Variants in VPS45 observed in about 807,000 individuals in gnomAD.
The protein encoded by VPS45 is vacuolar protein sorting 45 homolog.
A neutral mutation model predicts 75.9 loss-of-function variants in VPS45; 35 were observed. The observed-to-expected ratio is 0.46, with a 90% CI of 0.35 to 0.61. VPS45 has a LOEUF of 0.61. Among genes scored for constraint, VPS45 ranks in the 20% least tolerant of loss-of-function variants. VPS45 has a pLI of 0.00. For synonymous variants in VPS45, 220 were observed against 238.2 expected (o/e 0.92, Z 0.70); for missense variants, 559 against 685.9 (o/e 0.81, Z 2.07).
At chr1:150,128,113 C>T (rs961950116) in intron 14 of VPS45, among the ~76,000 whole-genome samples, 2 of 151,844 alleles carry the variant, frequency 1.3e-5, no homozygotes, top group Non-Finnish European at 2.9e-5. Flanking sequence ...CCAGCCTGGG[C>T]AACATGGTGA....
chr1:150,122,767 G>A (rs1480193335), intron 14 of VPS45, among the ~76,000 whole-genome samples: 1 of 152,038 alleles, frequency 6.6e-6, no homozygotes, highest in Non-Finnish European at 1.5e-5. Context: ...GGGAGGCTGA[G>A]GCGGGTGGAT....
chr1:150,089,517 C>T (rs1656216985), intron 10 of VPS45, among the ~76,000 whole-genome samples: 1 of 152,008 alleles, frequency 6.6e-6, no homozygotes, highest in South Asian at 2.1e-4. Flanking sequence ...CCCGCCACTA[C>T]ATCCTGCTAA....
intron 6 of VPS45, 43 bp from the exon 7 acceptor site, chr1:150,077,626 T>G (rs782194997): frequency 7.6e-7 from 1 of 1,319,146 alleles, no homozygotes; most frequent in Non-Finnish European, 1.1e-6. Flanking sequence ...TTTCTATATG[T>G]AACTAGATGG....
chr1:150,139,419 AG>A (rs782326908), intron 14 of VPS45, among the ~76,000 whole-genome samples: 50 of 152,234 alleles, frequency 3.3e-4, no homozygotes, highest in Non-Finnish European at 5.7e-4. Context: ...TGCCTCATTC[AG>A]GTCTTGACTC....
intron 2 of VPS45, among the ~76,000 whole-genome samples, chr1:150,070,251 T>C (rs1047264515): frequency 3.3e-5 from 5 of 152,284 alleles, no homozygotes; most frequent in South Asian, 4.1e-4. Context: ...AAAACAGATA[T>C]GATATCTGTT....
rs1553798417 is a variant in VPS45 at position 150,077,666 on chromosome 1, C to T, written c.577-3C>T. On this transcript the variant is annotated splice_polypyrimidine_tract_variant and splice_region_variant and intron_variant, in intron 6 of 14. Coordinates refer to ENST00000644510, the MANE Select transcript of VPS45 (RefSeq NM_007259.5). ...ACAAACCATCTTTCTCTCTCACCCA[C>T]AGCAAGTGATAACTAAAGAATATGA... 1 of 1,607,052 alleles carries T rather than the reference C, an allele frequency of 6.2e-7. No homozygotes were observed. The highest frequency in any genetic ancestry group is 1.3e-5 in the African/African-American group (1 of 74,778).
chr1:150,139,889 G>T (rs1553814818), intron 14 of VPS45, among the ~76,000 whole-genome samples: 1 of 151,300 alleles, frequency 6.6e-6, no homozygotes, highest in Non-Finnish European at 1.5e-5. Context: ...TTTTATTTTT[G>T]TTGTTGTTGT....
At chr1:150,092,897 A>G (rs1300131749) in intron 12 of VPS45, among the ~76,000 whole-genome samples, 2 of 117,800 alleles carry the variant, frequency 1.7e-5, no homozygotes, top group Non-Finnish European at 3.2e-5. Context: ...GCTGGAGTGC[A>G]GTGGCGTGAT....
At position 150,114,139 on chromosome 1, in the gene VPS45, GTTTC is replaced by G. The variant is rs587597128; in HGVS notation, c.1625+3517_1625+3520del. 9.8e-4 allele frequency among the ~76,000 whole-genome samples: 148 copies of G among 151,782 alleles called. 1 individual carries two copies. The highest frequency in any genetic ancestry group is 7.4e-5 in the Non-Finnish European group (5 of 67,942). ...TTGCCCCCTTTTCCCCCTCCACTTTGTTTCTTTCCTCCTGGCTCTTTCTTCAATC... is the reference window on the plus strand; with the variant it reads ...TTGCCCCCTTTTCCCCCTCCACTTTGTTTCCTCCTGGCTCTTTCTTCAATC... On this transcript the variant is annotated intron_variant, in intron 14 of 14. Transcript: ENST00000644510.
At chr1:150,088,158 C>T (rs1656112483) in intron 10 of VPS45, among the ~76,000 whole-genome samples, 2 of 152,046 alleles carry the variant, frequency 1.3e-5, no homozygotes, top group Admixed American at 1.3e-4. Context: ...TGCAATAGAA[C>T]ACCAGAACAT....
At chr1:150,076,731 T>C (rs1256429166) in intron 4 of VPS45, 185 bp from the exon 5 acceptor site, 4 of 626,742 alleles carry the variant, frequency 6.4e-6, no homozygotes, top group Non-Finnish European at 1.1e-5. Flanking sequence ...TTGCTACTGT[T>C]TTGTAATTAT....
intron 3 of VPS45, among the ~76,000 whole-genome samples, chr1:150,072,686 T>A (rs1655148072): frequency 6.7e-6 from 1 of 148,352 alleles, no homozygotes; most frequent in African/African-American, 2.5e-5. Flanking sequence ...TTGACCAATA[T>A]TCTGTTTCAG....
At chr1:150,080,334 G>A (rs1024085290) in intron 7 of VPS45, among the ~76,000 whole-genome samples, 3 of 151,878 alleles carry the variant, frequency 2.0e-5, no homozygotes, top group African/African-American at 4.8e-5. Flanking sequence ...AGTAGAGATG[G>A]GGTTTCACCA....
intron 14 of VPS45, among the ~76,000 whole-genome samples, chr1:150,130,672 G>T (rs1157447125): frequency 1.3e-5 from 2 of 152,044 alleles, no homozygotes; most frequent in African/African-American, 2.4e-5. Context: ...TATTACAGGG[G>T]TTACCTTGAG....
chr1:150,120,189 ATTAC>A (rs1186731355), intron 14 of VPS45, among the ~76,000 whole-genome samples: 1 of 152,172 alleles, frequency 6.6e-6, no homozygotes, highest in Non-Finnish European at 1.5e-5. Flanking sequence ...TAGTTTTTTT[ATTAC>A]TTAATCACTT....
intron 14 of VPS45, among the ~76,000 whole-genome samples, chr1:150,125,815 G>A (rs1056386888): frequency 5.3e-5 from 8 of 151,994 alleles, no homozygotes; most frequent in Non-Finnish European, 7.4e-5. Context: ...AGCCTCCCGA[G>A]TAGCTGGGAT....
At chr1:150,139,340 C>T (rs1215916707) in intron 14 of VPS45, among the ~76,000 whole-genome samples, 2 of 152,212 alleles carry the variant, frequency 1.3e-5, no homozygotes, top group African/African-American at 4.8e-5. Context: ...CACTAACCTT[C>T]TTTCTGTTCC....
intron 10 of VPS45, 158 bp downstream of exon 10, chr1:150,083,041 A>C (rs1655804440): frequency 1.3e-6 from 1 of 754,476 alleles, no homozygotes. Flanking sequence ...ATAGATCTAT[A>C]AAAAGAGTCA....
At chr1:150,119,830 C>A (rs1228944222) in intron 14 of VPS45, among the ~76,000 whole-genome samples, 1 of 152,154 alleles carries the variant, frequency 6.6e-6, no homozygotes, top group Non-Finnish European at 1.5e-5. Context: ...AATCTGAGGC[C>A]GGGCGCGGTG....
Sources: gnomAD v4.1 joint callset for allele counts (sites outside exome capture counted in the v4.1 genomes callset) on GRCh38, gnomAD v4.1.1 for gene constraint, MANE v1.5 for transcripts, NCBI Gene and HGNC (gene_info 2026-07-23, HGNC 2026-07-21) for gene names.